MYT1L: variants seen among roughly 807,000 people sequenced by gnomAD.
MYT1L encodes myelin transcription factor 1 like, also known as myelin transcription factor 1-like protein.
Under a neutral mutation model 126.7 loss-of-function variants are expected in MYT1L, and 12 were observed. The observed-to-expected ratio is 0.09, with a 90% CI of 0.06 to 0.15. The LOEUF is 0.15. Ranked by LOEUF, MYT1L falls within the 10% of genes least tolerant of loss-of-function variation. The probability of loss-of-function intolerance (pLI) is 1.00; values close to 1 mark genes in which losing one functional copy is unlikely to be tolerated. For missense variants in MYT1L, 979 were observed against 1,585.2 expected (o/e 0.62, Z 6.49); for synonymous variants, 541 against 604.2 (o/e 0.90, Z 1.53).
At chr2:2,323,060 G>T (rs1434444772) in intron 1 of MYT1L, among the ~76,000 whole-genome samples, 1 of 152,062 alleles carries the variant, frequency 6.6e-6, no homozygotes, top group Non-Finnish European at 1.5e-5. Flanking sequence ...TGCAGAAAAA[G>T]CTCAATGTGA....
At chr2:1,794,757 G>A (rs1023776531) in intron 23 of MYT1L, among the ~76,000 whole-genome samples, 1 of 152,196 alleles carries the variant, frequency 6.6e-6, no homozygotes, top group African/African-American at 2.4e-5. Flanking sequence ...GTCTGTGGCT[G>A]GGATGGGGGT....
chr2:2,103,415 C>T (rs564840226), intron 3 of MYT1L, among the ~76,000 whole-genome samples: 6 of 152,242 alleles, frequency 3.9e-5, no homozygotes, highest in South Asian at 2.1e-4. Flanking sequence ...ACGTCCTCCT[C>T]TTCTCTAAAT....
intron 4 of MYT1L, among the ~76,000 whole-genome samples, chr2:2,017,327 T>C (rs1160064418): frequency 1.3e-5 from 2 of 152,236 alleles, no homozygotes; most frequent in Non-Finnish European, 2.9e-5. Flanking sequence ...CACAATCTAA[T>C]TACCCAATGG....
At chr2:2,256,289 T>C (rs1308887746) in intron 2 of MYT1L, among the ~76,000 whole-genome samples, 1 of 152,236 alleles carries the variant, frequency 6.6e-6, no homozygotes, top group East Asian at 1.9e-4. Context: ...AAGGTAAAAC[T>C]ATTGATCCAG....
rs1040648280 is a variant in MYT1L at position 1,889,463 on chromosome 2, C to T, written c.2298G>A (p.Glu766=). The T allele has an allele frequency of 3.1e-6, 5 of 1,601,320 alleles. No homozygotes were observed. The East Asian group carries it at 1.1e-4, about 36-fold the overall frequency. ...DLCATRNPDM[E]VDENGTLDLS... ...GGTCCAGGGTCCCGTTCTCATCCAC[C>T]TCCATGTCAGGGTTCTGTCGGTAGA... The change falls in exon 16 of 25, where the codon GAG becomes GAA. Residue 766 remains glutamate (E), a synonymous_variant. Coordinates refer to ENST00000647738, the MANE Select transcript of MYT1L (RefSeq NM_001303052.2). The surrounding 1 kb of genome is among the most constrained non-coding windows in gnomAD (Gnocchi z 4.1).
rs900258397 is a variant in MYT1L, at chr2:2,228,365, C to T, written c.-420-55377G>A. On this transcript the variant is annotated intron_variant, in intron 2 of 24. Transcript: ENST00000647738. The surrounding 1 kb of genome is among the most constrained non-coding windows in gnomAD (Gnocchi z 5.9). ...GGATTATAATAATAATTTAGCTAGC[C>T]ACATGGTTACTTACCATTGTGTTAG... 6.6e-6 allele frequency among the ~76,000 whole-genome samples: 1 copy of T among 152,136 alleles called. No individual in the cohort carries two copies. The highest frequency in any genetic ancestry group is 1.5e-5 in the Non-Finnish European group (1 of 68,016).
At chr2:2,219,143 A>G (rs1489384106) in intron 2 of MYT1L, among the ~76,000 whole-genome samples, 2 of 152,192 alleles carry the variant, frequency 1.3e-5, no homozygotes, top group Non-Finnish European at 2.9e-5. Context: ...GTTTGAGGAC[A>G]GTGGAAAATG....
At chr2:2,196,787 G>T (rs1417367514) in intron 2 of MYT1L, among the ~76,000 whole-genome samples, 1 of 151,790 alleles carries the variant, frequency 6.6e-6, no homozygotes, top group Non-Finnish European at 1.5e-5. Flanking sequence ...ATGCAAATAA[G>T]ATTAAGAAGA....
chr2:2,078,026 T>C (rs1037840353), intron 3 of MYT1L, among the ~76,000 whole-genome samples: 8 of 152,210 alleles, frequency 5.3e-5, no homozygotes, highest in African/African-American at 1.9e-4. Flanking sequence ...AAGTAATTTG[T>C]ATAGCAATAA....
At chr2:1,969,427 C>G (rs746239837) in intron 8 of MYT1L, among the ~76,000 whole-genome samples, 7 of 152,194 alleles carry the variant, frequency 4.6e-5, no homozygotes, top group Non-Finnish European at 4.4e-5. Context: ...TTGTTGGCCA[C>G]GATTCTCAAA....
At chr2:1,860,780 G>C (rs2148613916) in intron 18 of MYT1L, among the ~76,000 whole-genome samples, 1 of 152,126 alleles carries the variant, frequency 6.6e-6, no homozygotes, top group Non-Finnish European at 1.5e-5. Context: ...TGTCCCTTAG[G>C]GTAAGGAACC....
chr2:2,313,861 C>A (rs952622363), intron 1 of MYT1L, among the ~76,000 whole-genome samples: 1 of 152,096 alleles, frequency 6.6e-6, no homozygotes, highest in Admixed American at 6.5e-5. Context: ...TCGATACATA[C>A]GTTTATAAAT....
At chr2:1,820,680 A>G (rs2038394155) in intron 21 of MYT1L, among the ~76,000 whole-genome samples, 1 of 151,980 alleles carries the variant, frequency 6.6e-6, no homozygotes, top group Admixed American at 6.6e-5. Context: ...CCAAATAGCT[A>G]TGACCACAGC....
In MYT1L at chr2:1,814,029, A is replaced by C. The variant is rs566644111; in HGVS notation, c.3081-4862T>G. On this transcript the variant is annotated intron_variant, in intron 21 of 24. Transcript: ENST00000647738. The stretch of plus-strand genomic sequence containing the variant: ...GCGACAGAGCGAGACTCCGTCCCCA[A>C]AAAAAAAAAAAAAAGAAAGAAAAAT... Among the ~76,000 whole-genome samples, 192 of 138,850 alleles carry C rather than the reference A, an allele frequency of 1.4e-3. 6 individuals carry two copies. The highest frequency in any genetic ancestry group is 4.1e-3 in the African/African-American group (158 of 38,904). 91.1% of individuals were successfully genotyped at this position (138,850 alleles called of 152,430 possible). A position where few individuals can be genotyped will look rare whatever the true frequency, so the allele number is the denominator to read the frequency against.
At chr2:1,999,481 T>A (rs2062164156) in intron 4 of MYT1L, among the ~76,000 whole-genome samples, 1 of 152,156 alleles carries the variant, frequency 6.6e-6, no homozygotes, top group Non-Finnish European at 1.5e-5. Context: ...CTTAAATATG[T>A]AGAAAAATAA....
intron 9 of MYT1L, among the ~76,000 whole-genome samples, chr2:1,937,871 G>A (rs574811947): frequency 6.6e-6 from 1 of 152,306 alleles, no homozygotes; most frequent in Admixed American, 6.5e-5. Flanking sequence ...GGACACCACC[G>A]CACACCTTTG....
chr2:2,211,627 G>A (rs577845315), intron 2 of MYT1L, among the ~76,000 whole-genome samples: 1 of 152,032 alleles, frequency 6.6e-6, no homozygotes, highest in East Asian at 1.9e-4. Context: ...CCAACATGGT[G>A]AAACCTGTCT....
At chr2:1,901,066 C>G (rs1421783903) in intron 14 of MYT1L, among the ~76,000 whole-genome samples, 1 of 152,192 alleles carries the variant, frequency 6.6e-6, no homozygotes, top group African/African-American at 2.4e-5. Flanking sequence ...ACTAGGCTAA[C>G]TTGTCCAGTA....
At chr2:1,861,960 G>A (rs1015579051) in intron 18 of MYT1L, among the ~76,000 whole-genome samples, 1 of 152,416 alleles carries the variant, frequency 6.6e-6, no homozygotes, top group Non-Finnish European at 1.5e-5. Flanking sequence ...TGCAGCCTGT[G>A]TAATCCTGGA....
Sources: allele counts gnomAD v4.1 joint callset (sites outside exome capture counted in the v4.1 genomes callset), GRCh38; gene constraint gnomAD v4.1.1; non-coding constraint Gnocchi (gnomAD v3.1); transcripts MANE v1.5; gene names NCBI Gene and HGNC (gene_info 2026-07-23, HGNC 2026-07-21).